Variants in PRKN observed in about 807,000 individuals in gnomAD.
PRKN encodes E3 ubiquitin-protein ligase parkin.
A neutral mutation model predicts 59.5 loss-of-function variants in PRKN; 56 were observed. The ratio of observed to expected loss-of-function variants is 0.94; its 90% CI spans 0.76 to 1.18. The LOEUF (loss-of-function observed/expected upper bound fraction) is 1.18. PRKN is among the 50% of genes most tolerant of loss of function. PRKN has a pLI of 0.00. For missense variants in PRKN, 657 were observed against 596.4 expected (o/e 1.10, Z -1.06); for synonymous variants, 250 against 222.1 (o/e 1.13, Z -1.12).
chr6:161,642,243 G>A (rs1316108389), intron 7 of PRKN, among the ~76,000 whole-genome samples: 1 of 152,114 alleles, frequency 6.6e-6, no homozygotes, highest in Non-Finnish European at 1.5e-5. Context: ...GTCCATAAAT[G>A]TAATCAATAT....
rs1343265664 is a variant in PRKN at position 161,902,552 on chromosome 6, A to ATCTATT, written c.734+70749_734+70750insAATAGA. On this transcript the variant is annotated intron_variant, in intron 6 of 11. Coordinates refer to ENST00000366898, the MANE Select transcript of PRKN (RefSeq NM_004562.3). ...TATCTATCTATCTATCTATCTATTT[A>ATCTATT]TTTATTTATTTATTTTTTTTTTTTT... Among the ~76,000 whole-genome samples the ATCTATT allele has an allele frequency of 1.4e-3, 174 of 121,042 alleles. 5 individuals carry two copies. Among genetic ancestry groups the ATCTATT allele is most frequent in the East Asian group, 4.6e-3 (18 of 3,932 alleles). The allele number at this position is 121,042 out of a possible 152,430, so 79.4% of individuals were successfully genotyped here.
intron 5 of PRKN, among the ~76,000 whole-genome samples, chr6:162,039,710 T>C (rs1783989230): frequency 6.6e-6 from 1 of 152,244 alleles, no homozygotes; most frequent in Non-Finnish European, 1.5e-5. Context: ...TATTCCTTTA[T>C]AGCAACACAG....
At chr6:162,679,815 C>CA in intron 1 of PRKN, among the ~76,000 whole-genome samples, 1 of 152,080 alleles carries the variant, frequency 6.6e-6, no homozygotes, top group East Asian at 1.9e-4. Flanking sequence ...TGGGTGCCCT[C>CA]TCTATTTTGC....
chr6:161,588,221 T>G lies in PRKN; in HGVS notation c.872-18805A>C, dbSNP rs1781589267. 6.6e-6 allele frequency among the ~76,000 whole-genome samples: 1 copy of G among 151,932 alleles called. No individual in the cohort carries two copies. The highest frequency in any genetic ancestry group is 6.6e-5 in the Admixed American group (1 of 15,254). On this transcript the variant is annotated intron_variant, in intron 7 of 11. Transcript: ENST00000366898. The surrounding 1 kb of genome is among the most constrained non-coding windows in gnomAD (Gnocchi z 5.0). The stretch of plus-strand genomic sequence containing the variant: ...TAACATGGCAAAACCCCGTCTCTAC[T>G]AAAAATGCAAAAATCAGCCAGGCGT...
At chr6:162,220,403 C>A (rs1379874300) in intron 3 of PRKN, among the ~76,000 whole-genome samples, 1 of 152,122 alleles carries the variant, frequency 6.6e-6, no homozygotes, top group African/African-American at 2.4e-5. Flanking sequence ...AAACAGGCAA[C>A]TACAGTCTGG....
At chr6:162,034,186 TAG>T (rs71643580) in intron 5 of PRKN, among the ~76,000 whole-genome samples, 20,283 of 132,450 alleles carry the variant, frequency 0.15, 1,635 homozygotes, top group East Asian at 0.46. Flanking sequence ...TATATATATA[TAG>T]AGAGAGAGAG....
chr6:161,790,845 A>G (rs936327256), intron 6 of PRKN, among the ~76,000 whole-genome samples: 6 of 152,206 alleles, frequency 3.9e-5, no homozygotes, highest in African/African-American at 1.4e-4. Flanking sequence ...GCTCCGACAG[A>G]AGTATGGAGG....
At chr6:161,987,409 C>T (rs978726538) in intron 5 of PRKN, among the ~76,000 whole-genome samples, 1 of 152,134 alleles carries the variant, frequency 6.6e-6, no homozygotes, top group African/African-American at 2.4e-5. Flanking sequence ...ATGATCATCC[C>T]TCAGTATCCA....
chr6:161,682,772 G>A (rs1479618988), intron 7 of PRKN, among the ~76,000 whole-genome samples: 1 of 152,172 alleles, frequency 6.6e-6, no homozygotes, highest in African/African-American at 2.4e-5. Flanking sequence ...GAAGCCAGGC[G>A]AGAGGAGCAG....
intron 7 of PRKN, among the ~76,000 whole-genome samples, chr6:161,745,116 T>C (rs1788360456): frequency 6.6e-6 from 1 of 152,168 alleles, no homozygotes; most frequent in Admixed American, 6.5e-5. Flanking sequence ...TTTTAAAACT[T>C]ACAGGACTAT....
At chr6:161,843,475 T>C (rs1793072816) in intron 6 of PRKN, among the ~76,000 whole-genome samples, 1 of 152,230 alleles carries the variant, frequency 6.6e-6, no homozygotes, top group Non-Finnish European at 1.5e-5. Context: ...TTATTTTGTT[T>C]GAATCCGTGG....
intron 4 of PRKN, among the ~76,000 whole-genome samples, chr6:162,093,592 C>G (rs1779602206): frequency 6.6e-6 from 1 of 152,184 alleles, no homozygotes; most frequent in African/African-American, 2.4e-5. Flanking sequence ...CACCTCAAAA[C>G]AGATGTACTT....
rs1276430562 is a variant in PRKN at position 161,468,802 on chromosome 6, T to C, written c.1083+80052A>G. Among the ~76,000 whole-genome samples the C allele has an allele frequency of 2.0e-5, 3 of 152,290 alleles. No homozygotes were observed. The highest frequency in any genetic ancestry group is 7.2e-5 in the African/African-American group (3 of 41,556). On this transcript the variant is annotated intron_variant, in intron 9 of 11. Transcript: ENST00000366898. The surrounding 1 kb of genome is among the most constrained non-coding windows in gnomAD (Gnocchi z 5.9). The stretch of plus-strand genomic sequence containing the variant: ...AGTGTATGTTCATTCATTTGTGAAG[T>C]TGTCCTTGTGGCCACAGTTGAAGGC...
At chr6:162,395,608 C>A (rs1383235360) in intron 2 of PRKN, among the ~76,000 whole-genome samples, 1 of 152,160 alleles carries the variant, frequency 6.6e-6, no homozygotes, top group Non-Finnish European at 1.5e-5. Flanking sequence ...TGACTATTGT[C>A]CTAGGCCATA....
chr6:162,650,283 A>G (rs545273354), intron 1 of PRKN, among the ~76,000 whole-genome samples: 5 of 152,192 alleles, frequency 3.3e-5, no homozygotes, highest in African/African-American at 1.2e-4. Flanking sequence ...ACCCTCCACA[A>G]TGCTTTTGAA....
At chr6:162,389,822 A>C (rs1787068349) in intron 2 of PRKN, among the ~76,000 whole-genome samples, 1 of 152,186 alleles carries the variant, frequency 6.6e-6, no homozygotes, top group Admixed American at 6.5e-5. Context: ...AAAGCTAAAC[A>C]AACTTCCTAA....
At position 161,360,266 on chromosome 6, in the gene PRKN, A is replaced by AAACTC; in HGVS notation, c.1168-62_1168-61insGAGTT. 1.5e-6 allele frequency: 2 copies of AAACTC among 1,310,776 alleles called. No homozygotes were observed. Among genetic ancestry groups the AAACTC allele is most frequent in the Non-Finnish European group, 2.2e-6 (2 of 902,590 alleles). The allele number at this position is 1,310,776 out of a possible 1,614,324, so 81.2% of individuals were successfully genotyped here. A position where few individuals can be genotyped will look rare whatever the true frequency, so the allele number is the denominator to read the frequency against. On this transcript the variant is annotated intron_variant, in intron 10 of 11. Coordinates refer to ENST00000366898, the MANE Select transcript of PRKN (RefSeq NM_004562.3). The surrounding 1 kb of genome is among the most constrained non-coding windows in gnomAD (Gnocchi z 5.1). Reference sequence around the variant, plus strand: ...CTTTCTATTACTGGGATCAGAGTTTATGTTCCCTGTACGTCGGTACAGGAA... The same window carrying AAACTC: ...CTTTCTATTACTGGGATCAGAGTTTAAACTCTGTTCCCTGTACGTCGGTACAGGAA...
chr6:161,605,918 C>G (rs1191340452), intron 7 of PRKN, among the ~76,000 whole-genome samples: 4 of 152,138 alleles, frequency 2.6e-5, no homozygotes, highest in African/African-American at 9.7e-5. Context: ...AATAGGGGCT[C>G]TACAGCAAGA....
intron 9 of PRKN, among the ~76,000 whole-genome samples, chr6:161,406,143 C>T (rs566029593): frequency 1.3e-5 from 2 of 151,422 alleles, no homozygotes; most frequent in South Asian, 4.2e-4. Flanking sequence ...CATATATATA[C>T]ATATATACAC....
Sources: gnomAD v4.1 joint callset for allele counts (sites outside exome capture counted in the v4.1 genomes callset) on GRCh38, gnomAD v4.1.1 for gene constraint, Gnocchi (gnomAD v3.1) non-coding constraint, MANE v1.5 for transcripts, NCBI Gene and HGNC (gene_info 2026-07-23, HGNC 2026-07-21) for gene names.